UBE2E3: variants seen among roughly 807,000 people sequenced by gnomAD.
UBE2E3 encodes ubiquitin conjugating enzyme E2 E3, also known as ubiquitin-conjugating enzyme E2 E3.
Under a neutral mutation model 23.6 loss-of-function variants are expected in UBE2E3, and 5 were observed. That is an observed-to-expected ratio of 0.21 (90% CI 0.11 to 0.44). UBE2E3 has a LOEUF of 0.44. Among genes scored for constraint, UBE2E3 ranks in the 20% least tolerant of loss-of-function variants. UBE2E3 has a pLI of 0.99. For synonymous variants in UBE2E3, 78 were observed against 87.5 expected (o/e 0.89, Z 0.60); for missense variants, 81 against 249.8 (o/e 0.32, Z 4.55).
chr2:180,989,779 A>G (rs1684599319), intron 3 of UBE2E3: 2 of 1,249,164 alleles, frequency 1.6e-6, no homozygotes, highest in Admixed American at 2.9e-5. Flanking sequence ...CTTCGCAGCT[A>G]CATGCTCACA....
chr2:181,034,216 A>G (rs1231151306), intron 3 of UBE2E3, among the ~76,000 whole-genome samples: 4 of 152,234 alleles, frequency 2.6e-5, no homozygotes, highest in Admixed American at 6.5e-5. Flanking sequence ...TGCTATAAAG[A>G]CACATACACA....
chr2:181,026,380 C>G (rs1423713910), intron 3 of UBE2E3, among the ~76,000 whole-genome samples: 3 of 151,574 alleles, frequency 2.0e-5, no homozygotes. Flanking sequence ...TTTCCATTCC[C>G]TTAACAAATA....
intron 3 of UBE2E3, among the ~76,000 whole-genome samples, chr2:181,036,733 GT>G (rs904938032): frequency 6.6e-6 from 1 of 152,056 alleles, no homozygotes; most frequent in Non-Finnish European, 1.5e-5. Context: ...ACTCTAACTT[GT>G]TTTTTATTAA....
At chr2:180,984,200 TAC>T (rs1166264488) in intron 3 of UBE2E3, 107 bp downstream of exon 3, 1 of 960,392 alleles carries the variant, frequency 1.0e-6, no homozygotes, top group East Asian at 2.7e-5. Context: ...TTTGCTTCTT[TAC>T]AGCTTTGCAA....
In UBE2E3 at chr2:181,046,362, C is replaced by T. The variant is rs150416763; in HGVS notation, c.246-11331C>T. 4.6e-3 allele frequency among the ~76,000 whole-genome samples: 697 copies of T among 152,208 alleles called. 6 individuals are homozygous for T. The highest frequency in any genetic ancestry group is 0.016 in the African/African-American group (653 of 41,526). ...CAGAAGATACATTTCCATACCTGCC[C>T]TCGTATATCAAACTGCAAAACATAC... On this transcript the variant is annotated intron_variant, in intron 3 of 5. Coordinates refer to ENST00000410062, the MANE Select transcript of UBE2E3 (RefSeq NM_006357.4).
At chr2:180,990,719 T>C (rs1286714303) in intron 3 of UBE2E3, among the ~76,000 whole-genome samples, 1 of 152,202 alleles carries the variant, frequency 6.6e-6, no homozygotes, top group East Asian at 1.9e-4. Flanking sequence ...ATATCTATTA[T>C]GTTCTACTAG....
At chr2:181,053,686 C>A (rs938697504) in intron 3 of UBE2E3, among the ~76,000 whole-genome samples, 50 of 151,784 alleles carry the variant, frequency 3.3e-4, no homozygotes, top group African/African-American at 1.1e-3. Flanking sequence ...AATCGATAAA[C>A]CTACATTAAC....
chr2:180,985,130 G>C (rs1378991768), intron 3 of UBE2E3, among the ~76,000 whole-genome samples: 1 of 152,110 alleles, frequency 6.6e-6, no homozygotes, highest in East Asian at 1.9e-4. Flanking sequence ...TGGATCCTCA[G>C]ATAAGGTGAT....
At chr2:180,991,037 G>T (rs1684638241) in intron 3 of UBE2E3, among the ~76,000 whole-genome samples, 1 of 152,118 alleles carries the variant, frequency 6.6e-6, no homozygotes, top group Non-Finnish European at 1.5e-5. Flanking sequence ...CACCAAAAAT[G>T]TATTAATATT....
intron 3 of UBE2E3, among the ~76,000 whole-genome samples, chr2:181,007,405 A>T (rs1685185688): frequency 6.6e-6 from 1 of 152,186 alleles, no homozygotes; most frequent in Admixed American, 6.5e-5. Flanking sequence ...AGACCTTGTG[A>T]GTACTTTCAT....
rs1232132593 is a variant in UBE2E3 at position 180,982,135 on chromosome 2, G to T, written c.93G>T (p.Glu31Asp). 6.2e-7 allele frequency: 1 copy of T among 1,613,546 alleles called. No individual in the cohort carries two copies. Among genetic ancestry groups the T allele is most frequent in the Admixed American group, 1.7e-5 (1 of 59,940 alleles). ...ACCAGCGAGACCCAGCCGCTCCAGA[G>T]CCTGAAGAACAAGAGGAAAGAAAAC... is the stretch of plus-strand genomic sequence containing the variant. ...DADQRDPAAP[E>D]PEEQEERKPS... Residue 31 changes from glutamate to aspartate, a missense_variant, in exon 2 of 6, where the codon GAG becomes GAT. Transcript: ENST00000410062.
chr2:181,036,325 G>T (rs547774652), intron 3 of UBE2E3, among the ~76,000 whole-genome samples: 1 of 152,058 alleles, frequency 6.6e-6, no homozygotes, highest in East Asian at 1.9e-4. Context: ...AAAGGATTTC[G>T]ACATAAAGTG....
chr2:181,021,925 T>TA (rs1685715678), intron 3 of UBE2E3, among the ~76,000 whole-genome samples: 1 of 152,146 alleles, frequency 6.6e-6, no homozygotes, highest in Non-Finnish European at 1.5e-5. Flanking sequence ...TCCTTGACCT[T>TA]AGTCTTCCTT....
chr2:181,023,357 A>G (rs528799391), intron 3 of UBE2E3, among the ~76,000 whole-genome samples: 7 of 152,340 alleles, frequency 4.6e-5, no homozygotes, highest in African/African-American at 1.4e-4. Context: ...TTTCATAGTA[A>G]ATAGAACATC....
intron 3 of UBE2E3, among the ~76,000 whole-genome samples, chr2:181,027,984 CTA>C (rs897535849): frequency 6.6e-6 from 1 of 151,956 alleles, no homozygotes; most frequent in East Asian, 1.9e-4. Flanking sequence ...CATTGAATCT[CTA>C]TATGTTGTCT....
At chr2:181,018,034 G>T (rs1243433048) in intron 3 of UBE2E3, among the ~76,000 whole-genome samples, 1 of 151,408 alleles carries the variant, frequency 6.6e-6, no homozygotes, top group Non-Finnish European at 1.5e-5. Context: ...CCCTAATTTT[G>T]TTTTCGTTGT....
intron 3 of UBE2E3, among the ~76,000 whole-genome samples, chr2:181,019,018 C>T (rs1685587891): frequency 6.6e-6 from 1 of 152,046 alleles, no homozygotes; most frequent in African/African-American, 2.4e-5. Flanking sequence ...GGCTGGAGGG[C>T]AGTGGTGTGA....
intron 4 of UBE2E3, among the ~76,000 whole-genome samples, chr2:181,059,438 T>C (rs1479990302): frequency 6.6e-6 from 1 of 151,772 alleles, no homozygotes; most frequent in Non-Finnish European, 1.5e-5. Flanking sequence ...AGAGCAGCAT[T>C]AATGGAAATA....
chr2:181,004,456 A>C (rs1202028544), intron 3 of UBE2E3, among the ~76,000 whole-genome samples: 1 of 152,060 alleles, frequency 6.6e-6, no homozygotes, highest in East Asian at 1.9e-4. Context: ...AGCATGGTGA[A>C]ACCCCGTCTC....
Sources: gnomAD v4.1 joint callset for allele counts (sites outside exome capture counted in the v4.1 genomes callset) on GRCh38, gnomAD v4.1.1 for gene constraint, MANE v1.5 for transcripts, NCBI Gene and HGNC (gene_info 2026-07-23, HGNC 2026-07-21) for gene names.